USP49: variants seen among roughly 807,000 people sequenced by gnomAD.
The protein encoded by USP49 is ubiquitin carboxyl-terminal hydrolase 49.
In USP49, 24 loss-of-function variants were observed where a neutral mutation model predicts 58.6. That is an observed-to-expected ratio of 0.41 (90% CI 0.30 to 0.58). The LOEUF is 0.58. Ranked by LOEUF, USP49 falls within the 20% of genes least tolerant of loss-of-function variation. The pLI, the probability that USP49 is intolerant of heterozygous loss-of-function variation, is 0.30. For synonymous variants in USP49, 408 were observed against 365.1 expected (o/e 1.12, Z -1.34); for missense variants, 703 against 866.1 (o/e 0.81, Z 2.36).
At chr6:41,801,040 C>T (rs1772987895) in intron 5 of USP49, among the ~76,000 whole-genome samples, 1 of 152,234 alleles carries the variant, frequency 6.6e-6, no homozygotes, top group Non-Finnish European at 1.5e-5. Context: ...AAGCAGTCCT[C>T]CCACCTTGGC....
At chr6:41,858,333 A>T (rs1388250070) in intron 3 of USP49, among the ~76,000 whole-genome samples, 1 of 152,182 alleles carries the variant, frequency 6.6e-6, no homozygotes. Context: ...ATTCTTTTAA[A>T]TTAAGTCACA....
At chr6:41,815,710 C>T (rs887292454) in intron 3 of USP49, among the ~76,000 whole-genome samples, 1 of 152,094 alleles carries the variant, frequency 6.6e-6, no homozygotes, top group South Asian at 2.1e-4. Flanking sequence ...GCTCTCTGAC[C>T]CAAGAGCTGG....
chr6:41,844,362 G>T (rs998908154), intron 3 of USP49, among the ~76,000 whole-genome samples: 1 of 150,926 alleles, frequency 6.6e-6, no homozygotes, highest in Non-Finnish European at 1.5e-5. Context: ...ACTGTCGCCC[G>T]GGCTGGAGTG....
At chr6:41,850,654 G>A (rs1481856547) in intron 3 of USP49, among the ~76,000 whole-genome samples, 1 of 150,646 alleles carries the variant, frequency 6.6e-6, no homozygotes, top group East Asian at 2.0e-4. Context: ...TGCCAGGCTG[G>A]AGTGCAGTGG....
intron 2 of USP49, among the ~76,000 whole-genome samples, chr6:41,876,816 G>A (rs1328356692): frequency 2.0e-5 from 3 of 152,132 alleles, no homozygotes; most frequent in Non-Finnish European, 4.4e-5. Context: ...GCTAAATAAA[G>A]AAAACTTTAA....
intron 3 of USP49, among the ~76,000 whole-genome samples, chr6:41,857,950 A>C (rs2127353447): frequency 6.6e-6 from 1 of 152,338 alleles, no homozygotes; most frequent in Admixed American, 6.5e-5. Flanking sequence ...CTGCTATACT[A>C]TTCAACTATG....
chr6:41,818,553 A>G (rs1773397002), intron 3 of USP49, among the ~76,000 whole-genome samples: 1 of 152,168 alleles, frequency 6.6e-6, no homozygotes, highest in Non-Finnish European at 1.5e-5. Flanking sequence ...GATGTTAAAC[A>G]AGCATGACAT....
chr6:41,886,291 C>T, intron 2 of USP49, among the ~76,000 whole-genome samples: 1 of 152,164 alleles, frequency 6.6e-6, no homozygotes, highest in Non-Finnish European at 1.5e-5. Flanking sequence ...TTTATAAAAA[C>T]ATAACATTAA....
At chr6:41,881,211 C>T (rs529746294) in intron 2 of USP49, among the ~76,000 whole-genome samples, 38 of 143,912 alleles carry the variant, frequency 2.6e-4, no homozygotes, top group African/African-American at 3.8e-4. Flanking sequence ...AGATTACAGG[C>T]GTGAGCCACC....
intron 3 of USP49, among the ~76,000 whole-genome samples, chr6:41,853,629 G>A (rs1024567208): frequency 8.5e-5 from 13 of 152,276 alleles, no homozygotes; most frequent in African/African-American, 2.9e-4. Flanking sequence ...TATAGAAGAT[G>A]AGAAATAAGT....
In USP49 at chr6:41,803,161, G is replaced by A. The variant is rs2127320885; in HGVS notation, c.1561+645C>T. 6.6e-6 allele frequency among the ~76,000 whole-genome samples: 1 copy of A among 152,260 alleles called. No homozygotes were observed. On this transcript the variant is annotated intron_variant, in intron 5 of 7. Coordinates refer to ENST00000682992, the MANE Select transcript of USP49 (RefSeq NM_001286554.2). The surrounding 1 kb of genome is among the most constrained non-coding windows in gnomAD (Gnocchi z 4.1). ...GACTCTACATTCATGAATTTAAGCA[G>A]CAGCCCCACAGCACTAAGAAGCTAA... is the stretch of plus-strand genomic sequence containing the variant.
At position 41,794,590 on chromosome 6, in the gene USP49, T is replaced by C. The variant is rs1192106508; in HGVS notation, c.*1943A>G. ...TTCTATTGCCACAAAAAGTCATTAC[T>C]AATCATGCCGACTTAAAAACGTGGA... On this transcript the variant is annotated 3_prime_UTR_variant, in exon 8 of 8. Transcript: ENST00000682992. The C allele has an allele frequency of 6.6e-6, 1 of 152,222 alleles. No individual in the cohort carries two copies. Among genetic ancestry groups the C allele is most frequent in the Non-Finnish European group, 1.5e-5 (1 of 68,038 alleles). 9.4% of individuals were successfully genotyped at this position (152,222 alleles called of 1,614,324 possible).
At chr6:41,879,838 C>T (rs900514127) in intron 2 of USP49, among the ~76,000 whole-genome samples, 1 of 152,196 alleles carries the variant, frequency 6.6e-6, no homozygotes, top group Non-Finnish European at 1.5e-5. Flanking sequence ...AAGAGAAAAG[C>T]ACAAATACTG....
At chr6:41,805,492 T>C (rs1200799687) in intron 4 of USP49, 136 bp downstream of exon 4, 3 of 952,798 alleles carry the variant, frequency 3.1e-6, no homozygotes, top group African/African-American at 3.3e-5. Flanking sequence ...ATGAAAGGTA[T>C]AATGGCCACC....
chr6:41,799,174 G>C (rs1772949418), intron 6 of USP49, among the ~76,000 whole-genome samples: 1 of 151,830 alleles, frequency 6.6e-6, no homozygotes, highest in Non-Finnish European at 1.5e-5. Context: ...GATTGATAAA[G>C]GCTCACTGCA....
chr6:41,813,846 AT>A (rs1773302923), intron 3 of USP49, among the ~76,000 whole-genome samples: 1 of 152,206 alleles, frequency 6.6e-6, no homozygotes, highest in Non-Finnish European at 1.5e-5. Context: ...AACAAACAAA[AT>A]AGAGAATAAA....
chr6:41,802,440 A>AT (rs764401915), intron 5 of USP49, among the ~76,000 whole-genome samples: 6,802 of 54,670 alleles, frequency 0.12, 339 homozygotes, highest in Admixed American at 0.17. Flanking sequence ...TTATTTATTT[A>AT]TTTATTTATT....
chr6:41,867,655 G>C (rs1484762447), intron 3 of USP49, among the ~76,000 whole-genome samples: 1 of 151,778 alleles, frequency 6.6e-6, no homozygotes, highest in Non-Finnish European at 1.5e-5. Flanking sequence ...GGGAGGCAGA[G>C]GCAGGAGAAT....
At chr6:41,827,675 CAAAAAAAAAAA>C (rs373056101) in intron 3 of USP49, among the ~76,000 whole-genome samples, 23 of 92,316 alleles carry the variant, frequency 2.5e-4, no homozygotes, top group Admixed American at 2.5e-3. Flanking sequence ...ACTCTGTCTC[CAAAAAAAAAAA>C]AAAAAAAAAA....
Sources: gnomAD v4.1 joint callset for allele counts (sites outside exome capture counted in the v4.1 genomes callset) on GRCh38, gnomAD v4.1.1 for gene constraint, Gnocchi (gnomAD v3.1) non-coding constraint, MANE v1.5 for transcripts, NCBI Gene and HGNC (gene_info 2026-07-23, HGNC 2026-07-21) for gene names.